The following EXOC4 variants were observed in gnomAD, a reference collection of about 807,000 sequenced individuals.
The protein encoded by EXOC4 is SEC8-like 1.
EXOC4 carries 71 observed loss-of-function variants against 107.2 expected under a neutral mutation model. The observed-to-expected ratio is 0.66, with a 90% CI of 0.55 to 0.81. EXOC4 has a LOEUF of 0.81. Ranked by LOEUF, EXOC4 falls within the 30% of genes least tolerant of loss-of-function variation. The pLI, the probability that EXOC4 is intolerant of heterozygous loss-of-function variation, is 0.00. For missense variants in EXOC4, 1,108 were observed against 1,189.6 expected (o/e 0.93, Z 1.01); for synonymous variants, 456 against 441.2 (o/e 1.03, Z -0.42).
At position 133,925,803 on chromosome 7, in the gene EXOC4, C is replaced by A. The variant is rs112460003; in HGVS notation, c.2027+8065C>A. 6.1e-3 allele frequency among the ~76,000 whole-genome samples: 919 copies of A among 151,808 alleles called. 3 individuals are homozygous for A. The highest frequency in any genetic ancestry group is 0.01 in the Middle Eastern group (3 of 294). ...CTGTAATCCCAGCACTTTGGGAAGC[C>A]GAGGCGAGTGGATCACAAGGTCAGG... On this transcript the variant is annotated intron_variant, in intron 13 of 17. Transcript: ENST00000253861.
At chr7:133,973,220 G>A (rs546885846) in intron 14 of EXOC4, among the ~76,000 whole-genome samples, 1 of 152,238 alleles carries the variant, frequency 6.6e-6, no homozygotes, top group South Asian at 2.1e-4. Context: ...CCCATAATAT[G>A]ATTCGGCGAC....
intron 10 of EXOC4, among the ~76,000 whole-genome samples, chr7:133,722,867 A>T (rs2151108239): frequency 6.6e-6 from 1 of 152,294 alleles, no homozygotes; most frequent in Non-Finnish European, 1.5e-5. Context: ...TGCCATGTGG[A>T]TGTAGTAGCA....
At chr7:133,865,726 G>A (rs1002713545) in intron 11 of EXOC4, among the ~76,000 whole-genome samples, 1 of 152,218 alleles carries the variant, frequency 6.6e-6, no homozygotes, top group South Asian at 2.1e-4. Context: ...GCAGGAGAGA[G>A]AGAGCAAAGA....
At chr7:133,556,820 G>A (rs951000899) in intron 9 of EXOC4, among the ~76,000 whole-genome samples, 1 of 152,132 alleles carries the variant, frequency 6.6e-6, no homozygotes, top group African/African-American at 2.4e-5. Context: ...CTTGATCTTC[G>A]GGGAATCTGT....
chr7:134,099,522 C>CTTTTTT, the EXOC4 span, among the ~76,000 whole-genome samples: 11 of 103,936 alleles, frequency 1.1e-4, 1 homozygote, highest in South Asian at 3.6e-4. Context: ...CATCACACTT[C>CTTTTTT]TTTTTTTTTT....
At chr7:133,724,032 G>A (rs536678834) in intron 10 of EXOC4, among the ~76,000 whole-genome samples, 4 of 152,068 alleles carry the variant, frequency 2.6e-5, no homozygotes, top group Admixed American at 6.5e-5. Flanking sequence ...AAACTTACAT[G>A]CATTTGCTAG....
intron 10 of EXOC4, among the ~76,000 whole-genome samples, chr7:133,660,682 A>T (rs764579429): frequency 1.3e-5 from 2 of 152,206 alleles, no homozygotes; most frequent in Non-Finnish European, 2.9e-5. Context: ...TAAAAAAATT[A>T]TTCTTCACTT....
chr7:133,729,756 C>T (rs992494003), intron 10 of EXOC4, among the ~76,000 whole-genome samples: 2 of 151,950 alleles, frequency 1.3e-5, no homozygotes. Flanking sequence ...TTGATGGTAA[C>T]TTTTTAAAAA....
chr7:133,931,789 C>T (rs1224899590), intron 13 of EXOC4, among the ~76,000 whole-genome samples: 3 of 152,204 alleles, frequency 2.0e-5, no homozygotes, highest in Non-Finnish European at 4.4e-5. Flanking sequence ...ACCCAGCCTC[C>T]ATAAGGGTGA....
Position 133,630,057 on chromosome 7 carries a change from A to G in EXOC4, c.1430A>G (p.Asp477Gly). Residue 477 changes from aspartate (D) to glycine (G), a missense_variant, in exon 10 of 18, where the codon GAC becomes GGC. By Grantham distance (94) the Asp-to-Gly change is moderately conservative. Coordinates refer to ENST00000253861, the MANE Select transcript of EXOC4 (RefSeq NM_021807.4). Reference protein sequence around the residue: ...RSGELQGGPDDNLIEGGGTKF... With the variant: ...RSGELQGGPDGNLIEGGGTKF... ...TTTCTTCTGAAAGGGGGTCCTGATGACAACTTAATTGAAGGTGGAGGAACA... is the reference window on the plus strand; with the variant it reads ...TTTCTTCTGAAAGGGGGTCCTGATGGCAACTTAATTGAAGGTGGAGGAACA... 1 of 1,613,580 alleles carries G rather than the reference A, an allele frequency of 6.2e-7. No individual in the cohort carries two copies. Among genetic ancestry groups the G allele is most frequent in the Non-Finnish European group, 8.5e-7 (1 of 1,179,554 alleles).
intron 17 of EXOC4, chr7:134,010,141 A>G (rs1200505762): frequency 1.3e-5 from 2 of 152,184 alleles, no homozygotes; most frequent in Non-Finnish European, 2.9e-5. Context: ...GCTTTAGAAG[A>G]CATCTCCTTA....
At chr7:133,464,884 G>C (rs534545189) in intron 7 of EXOC4, among the ~76,000 whole-genome samples, 29 of 137,810 alleles carry the variant, frequency 2.1e-4, no homozygotes, top group Non-Finnish European at 4.1e-4. Flanking sequence ...CAGTAGTGCA[G>C]TCATAGCTCA....
intron 17 of EXOC4, among the ~76,000 whole-genome samples, chr7:134,030,670 C>A (rs1392778674): frequency 6.7e-6 from 1 of 148,246 alleles, no homozygotes; most frequent in African/African-American, 2.5e-5. Context: ...GACCCGCACC[C>A]CCCCTCTGCC....
At chr7:133,873,631 A>C (rs1798792861) in intron 11 of EXOC4, among the ~76,000 whole-genome samples, 1 of 152,208 alleles carries the variant, frequency 6.6e-6, no homozygotes, top group African/African-American at 2.4e-5. Context: ...TAATATAGAT[A>C]ATCTCCCTTT....
In EXOC4 at chr7:133,480,090, C is replaced by G; in HGVS notation, c.1369C>G (p.Leu457Val). 6.2e-7 allele frequency: 1 copy of G among 1,614,054 alleles called. No individual in the cohort carries two copies. Among genetic ancestry groups the G allele is most frequent in the Non-Finnish European group, 8.5e-7 (1 of 1,179,926 alleles). ...CCATGCCATCAGTATGAGCGCCTAT[C>G]TGCGAGAACAGAGAAGGGAGCTCTA... ...SSHAISMSAY[L>V]REQRRELYSR... is the part of the protein sequence containing the mutation. Residue 457 changes from leucine (L) to valine (V), a missense_variant, in exon 9 of 18, where the codon CTG becomes GTG. Coordinates refer to ENST00000253861, the MANE Select transcript of EXOC4 (RefSeq NM_021807.4).
chr7:133,744,368 C>CT, intron 10 of EXOC4, among the ~76,000 whole-genome samples: 1 of 152,094 alleles, frequency 6.6e-6, no homozygotes, highest in Non-Finnish European at 1.5e-5. Context: ...AGTAATAGAG[C>CT]CAGGATTTGA....
intron 7 of EXOC4, among the ~76,000 whole-genome samples, chr7:133,472,610 A>G (rs1396777534): frequency 6.6e-6 from 1 of 152,186 alleles, no homozygotes; most frequent in East Asian, 1.9e-4. Flanking sequence ...GGAGCTCAGG[A>G]GAGAAATGAG....
chr7:133,974,706 A>T (rs1210757494), intron 14 of EXOC4, among the ~76,000 whole-genome samples: 1 of 152,208 alleles, frequency 6.6e-6, no homozygotes, highest in Non-Finnish European at 1.5e-5. Context: ...CAGCTAAGCA[A>T]CCTAAAATAG....
In EXOC4 at chr7:133,356,546, A is replaced by G. The variant is rs77094376; in HGVS notation, c.980A>G (p.Glu327Gly). The part of the protein sequence containing the change: ...QVADSGYQRG[E>G]NVTVENQPRL... ...GCAGACAGTGGCTATCAGCGGGGGG[A>G]GAACGTTACTGTGGAGAACCAACCA... Residue 327 changes from glutamate (E) to glycine (G), a missense_variant, in exon 6 of 18, where the codon GAG becomes GGG. By Grantham distance (98) the Glu-to-Gly change is moderately conservative (BLOSUM62 -2). Coordinates refer to ENST00000253861, the MANE Select transcript of EXOC4 (RefSeq NM_021807.4). 1.9e-6 allele frequency: 3 copies of G among 1,613,952 alleles called. No individual in the cohort carries two copies. The highest frequency in any genetic ancestry group is 1.7e-6 in the Non-Finnish European group (2 of 1,179,908).
Sources: allele counts gnomAD v4.1 joint callset (sites outside exome capture counted in the v4.1 genomes callset), GRCh38; gene constraint gnomAD v4.1.1; transcripts MANE v1.5; gene names NCBI Gene and HGNC (gene_info 2026-07-23, HGNC 2026-07-21).